Variants in TSGA10IP observed in about 807,000 individuals in gnomAD.
The protein encoded by TSGA10IP is testis-specific protein 10-interacting protein.
TSGA10IP carries 64 observed loss-of-function variants against 63.2 expected under a neutral mutation model. The ratio of observed to expected loss-of-function variants is 1.01; its 90% confidence interval spans 0.83 to 1.25. The LOEUF is 1.25. Ranked by LOEUF, TSGA10IP falls within the 50% of genes most tolerant of loss-of-function variation. TSGA10IP has a pLI of 0.00. For missense variants in TSGA10IP, 681 were observed against 710.1 expected (o/e 0.96, Z 0.47); for synonymous variants, 316 against 298.3 (o/e 1.06, Z -0.61).
chr11:65,955,716 C>T (rs1213695025), intron 5 of TSGA10IP, among the ~76,000 whole-genome samples: 2 of 152,142 alleles, frequency 1.3e-5, no homozygotes, highest in African/African-American at 2.4e-5. Context: ...AAAGTCAGTA[C>T]GGCCCGCTCA....
chr11:65,948,216 A>T, intron 4 of TSGA10IP, 68 bp downstream of exon 4: 2 of 1,497,374 alleles, frequency 1.3e-6, no homozygotes, highest in South Asian at 2.7e-5. Context: ...TCTCCAAGAG[A>T]TGCTTAGGCA....
intron 4 of TSGA10IP, among the ~76,000 whole-genome samples, chr11:65,948,366 C>T (rs180989136): frequency 6.6e-6 from 1 of 152,300 alleles, no homozygotes; most frequent in Admixed American, 6.5e-5. Context: ...CTCAACCATT[C>T]ATCCATCTCT....
chr11:65,958,926 C>G, exon 6 of TSGA10IP: 1 of 1,613,222 alleles, frequency 6.2e-7, no homozygotes, highest in Non-Finnish European at 8.5e-7. Context: ...GGCGGAGCTG[C>G]AAGGCATCCA....
chr11:65,959,562 G>A (rs1179019818), intron 7 of TSGA10IP, among the ~76,000 whole-genome samples: 2 of 152,150 alleles, frequency 1.3e-5, no homozygotes, highest in Non-Finnish European at 2.9e-5. Flanking sequence ...CCATCTGAGC[G>A]GCCACACACC....
At chr11:65,956,509 G>T (rs1281780780) in intron 5 of TSGA10IP, among the ~76,000 whole-genome samples, 1 of 151,726 alleles carries the variant, frequency 6.6e-6, no homozygotes, top group Non-Finnish European at 1.5e-5. Context: ...TGTGTTTTGG[G>T]GGACTGCTTG....
intron 1 of TSGA10IP, 72 bp downstream of exon 1, chr11:65,945,894 G>C: frequency 6.4e-7 from 1 of 1,552,972 alleles, no homozygotes; most frequent in Non-Finnish European, 8.7e-7. Context: ...GGGCTGGGGA[G>C]GCCCTTGAGA....
intron 1 of TSGA10IP, 82 bp from the exon 2 acceptor site, chr11:65,946,798 C>A: frequency 6.6e-7 from 1 of 1,509,078 alleles, no homozygotes; most frequent in Non-Finnish European, 8.9e-7. Context: ...GCCAGGTGCA[C>A]AGAGGGAGCA....
exon 3 of TSGA10IP, chr11:65,947,786 C>G: frequency 6.3e-7 from 1 of 1,579,786 alleles, no homozygotes; most frequent in South Asian, 1.2e-5. Context: ...GCCATGGGAC[C>G]TGGAGAAGCT....
intron 4 of TSGA10IP, among the ~76,000 whole-genome samples, chr11:65,950,097 C>T (rs962126926): frequency 6.6e-6 from 1 of 151,760 alleles, no homozygotes; most frequent in Non-Finnish European, 1.5e-5. Flanking sequence ...ATGATCTGCC[C>T]GCCTCAGCCT....
rs1201503 is a variant in TSGA10IP, at chr11:65,949,830, T to G, written c.1151+1682T>G. ...TTGTTGAAGGTCTAAATCAAACTAATTAACATATGCATTACCTCGGTTTTT... is the reference window on the plus strand; with the variant it reads ...TTGTTGAAGGTCTAAATCAAACTAAGTAACATATGCATTACCTCGGTTTTT... On this transcript the variant is annotated intron_variant, in intron 4 of 7. Coordinates refer to ENST00000532620, the Ensembl canonical transcript of TSGA10IP. Among the ~76,000 whole-genome samples, 1,195 of 150,874 alleles carry G rather than the reference T, an allele frequency of 7.9e-3. 19 individuals carry two copies. Among genetic ancestry groups the G allele is most frequent in the African/African-American group, 0.027 (1,119 of 41,084 alleles).
intron 5 of TSGA10IP, among the ~76,000 whole-genome samples, chr11:65,954,974 C>T (rs11227362): frequency 2.6e-5 from 4 of 152,324 alleles, no homozygotes; most frequent in East Asian, 1.9e-4. Flanking sequence ...TGGGCGCATG[C>T]GCTCAGCATC....
Position 65,948,135 on chromosome 11 carries a change from C to T in TSGA10IP, c.1138C>T (p.Gln380Ter). 6.2e-7 allele frequency: 1 copy of T among 1,603,626 alleles called. No homozygotes were observed. Among genetic ancestry groups the T allele is most frequent in the Non-Finnish European group, 8.5e-7 (1 of 1,175,150 alleles). Residue 380 changes from glutamine to a stop codon, truncating the protein, a stop_gained, in exon 4 of 8, where the codon CAG becomes TAG. Transcript: ENST00000532620. LOFTEE classifies it high-confidence loss of function. ...CCCTAATCGCACCTTCCACAAACGA[C>T]AGGAAGCCACCAGGTAAGAGGGAAG...
chr11:65,945,662 G>A, exon 1 of TSGA10IP: 1 of 1,612,602 alleles, frequency 6.2e-7, no homozygotes, highest in Middle Eastern at 1.7e-4. Context: ...GGTGCGGATG[G>A]GGGATGGGGC....
At chr11:65,957,191 G>T (rs755225508) in intron 5 of TSGA10IP, among the ~76,000 whole-genome samples, 1 of 151,768 alleles carries the variant, frequency 6.6e-6, no homozygotes, top group East Asian at 1.9e-4. Context: ...TCGCTCTGTC[G>T]CCAGGCTGGA....
intron 5 of TSGA10IP, among the ~76,000 whole-genome samples, chr11:65,958,655 A>T (rs553024375): frequency 6.6e-6 from 1 of 152,196 alleles, no homozygotes; most frequent in Admixed American, 6.5e-5. Context: ...CAGCTGCACA[A>T]CTTTGAACAA....
At chr11:65,953,933 A>C (rs530647685) in intron 5 of TSGA10IP, among the ~76,000 whole-genome samples, 196 bp downstream of exon 5, 1 of 152,152 alleles carries the variant, frequency 6.6e-6, no homozygotes, top group Non-Finnish European at 1.5e-5. Context: ...AATAATGACA[A>C]TCTCTGCAGC....
chr11:65,955,755 C>A (rs1264130833), intron 5 of TSGA10IP, among the ~76,000 whole-genome samples: 1 of 152,200 alleles, frequency 6.6e-6, no homozygotes, highest in Non-Finnish European at 1.5e-5. Context: ...GTATCTCCAC[C>A]TGCATAACCC....
chr11:65,947,134 AC>A lies in TSGA10IP; in HGVS notation c.312del (p.Ser105ProfsTer65). ...GTCACTTCCCGCTTCTTCCTCGGAA[AC>A]CCTCCTTCCCCTTCCAGTGGGCCTG... On this transcript the variant is annotated frameshift_variant, in exon 3 of 8. Transcript: ENST00000532620. LOFTEE classifies it high-confidence loss of function. 6.2e-7 allele frequency: 1 copy of A among 1,610,466 alleles called. No individual in the cohort carries two copies. Among genetic ancestry groups the A allele is most frequent in the Non-Finnish European group, 8.5e-7 (1 of 1,177,892 alleles).
At chr11:65,959,669 AG>A in intron 7 of TSGA10IP, 147 bp from the exon 8 acceptor site, 1 of 1,214,822 alleles carries the variant, frequency 8.2e-7, no homozygotes, top group Non-Finnish European at 1.1e-6. Context: ...CTTGACAATA[AG>A]GAAAGTGAGA....
Sources: gnomAD v4.1 joint callset for allele counts (sites outside exome capture counted in the v4.1 genomes callset) on GRCh38, gnomAD v4.1.1 for gene constraint, MANE v1.5 for transcripts, NCBI Gene and HGNC (gene_info 2026-07-23, HGNC 2026-07-21) for gene names.